Variants in SDK1 observed in about 807,000 individuals in gnomAD.
The protein encoded by SDK1 is protein sidekick-1.
SDK1 carries 157 observed loss-of-function variants against 245.5 expected under a neutral mutation model. The observed-to-expected ratio is 0.64, with a 90% CI of 0.56 to 0.73. SDK1 has a LOEUF of 0.73. Among genes scored for constraint, SDK1 ranks in the 30% least tolerant of loss-of-function variants. SDK1 has a pLI of 0.00. For synonymous variants in SDK1, 1,647 were observed against 1,278.5 expected (o/e 1.29, Z -6.15); for missense variants, 3,583 against 3,002.3 (o/e 1.19, Z -4.52).
At chr7:3,346,738 C>T (rs1430764976) in intron 1 of SDK1, among the ~76,000 whole-genome samples, 1 of 112,380 alleles carries the variant, frequency 8.9e-6, no homozygotes, top group African/African-American at 3.6e-5. Flanking sequence ...TATATATATA[C>T]ACGTATATAT....
intron 22 of SDK1, among the ~76,000 whole-genome samples, chr7:4,110,006 C>T (rs985486251): frequency 2.0e-5 from 3 of 152,106 alleles, no homozygotes; most frequent in Admixed American, 2.0e-4. Context: ...CCAGCAGACC[C>T]GGAAAAGGCA....
intron 2 of SDK1, among the ~76,000 whole-genome samples, chr7:3,626,109 ATT>A (rs933229829): frequency 4.3e-5 from 6 of 138,432 alleles, no homozygotes; most frequent in South Asian, 2.3e-4. Context: ...ACAACTAGCT[ATT>A]TTTTTTTTTT....
chr7:3,354,597 C>G (rs981595864), intron 1 of SDK1, among the ~76,000 whole-genome samples: 1 of 152,138 alleles, frequency 6.6e-6, no homozygotes, highest in African/African-American at 2.4e-5. Flanking sequence ...CAAATGTAAT[C>G]AGTCTACATT....
intron 1 of SDK1, among the ~76,000 whole-genome samples, chr7:3,449,293 G>A (rs1295750306): frequency 6.6e-6 from 1 of 152,160 alleles, no homozygotes; most frequent in Non-Finnish European, 1.5e-5. Flanking sequence ...TGCACAGAGC[G>A]ATCAGATCCA....
At chr7:3,686,928 G>A (rs996258554) in intron 4 of SDK1, among the ~76,000 whole-genome samples, 6 of 152,124 alleles carry the variant, frequency 3.9e-5, no homozygotes, top group African/African-American at 1.4e-4. Flanking sequence ...GCAGGTAGTG[G>A]CCCTGGAGTG....
chr7:4,065,875 G>C (rs1480153856), intron 19 of SDK1, among the ~76,000 whole-genome samples: 2 of 151,976 alleles, frequency 1.3e-5, no homozygotes, highest in Non-Finnish European at 2.9e-5. Flanking sequence ...GACTTTGCAG[G>C]GGTGAGACTT....
intron 1 of SDK1, among the ~76,000 whole-genome samples, chr7:3,575,406 A>G (rs1269945418): frequency 2.0e-5 from 3 of 152,024 alleles, no homozygotes; most frequent in Non-Finnish European, 4.4e-5. Flanking sequence ...AGGCCATCAC[A>G]TCAGGGGTTA....
At chr7:4,078,386 A>G (rs1418920259) in intron 21 of SDK1, among the ~76,000 whole-genome samples, 1 of 152,184 alleles carries the variant, frequency 6.6e-6, no homozygotes, top group Non-Finnish European at 1.5e-5. Flanking sequence ...GAAAGAGTCC[A>G]CTTGTCCTTC....
intron 4 of SDK1, among the ~76,000 whole-genome samples, chr7:3,765,139 C>G (rs1445078873): frequency 6.6e-6 from 1 of 151,944 alleles, no homozygotes; most frequent in Non-Finnish European, 1.5e-5. Context: ...ACTGGTTTAG[C>G]TTGTACTAGA....
At chr7:3,797,950 T>C (rs1004005708) in intron 4 of SDK1, among the ~76,000 whole-genome samples, 5 of 152,182 alleles carry the variant, frequency 3.3e-5, no homozygotes, top group South Asian at 2.1e-4. Flanking sequence ...TTGAGACTTA[T>C]AAAAGAGTTG....
chr7:3,962,475 C>T (rs781436063), intron 8 of SDK1, among the ~76,000 whole-genome samples, 182 bp from the exon 9 acceptor site: 1 of 152,212 alleles, frequency 6.6e-6, no homozygotes, highest in Non-Finnish European at 1.5e-5. Flanking sequence ...CTCTCAACAC[C>T]CCTCCGTGTC....
At chr7:3,849,687 G>A (rs111428778) in intron 5 of SDK1, among the ~76,000 whole-genome samples, 10 of 152,256 alleles carry the variant, frequency 6.6e-5, no homozygotes, top group South Asian at 2.1e-4. Flanking sequence ...AGAGGGCGGC[G>A]TATTTTGATA....
rs544119897 is a variant in SDK1 at position 3,609,128 on chromosome 7, CTT to C, written c.299-9950_299-9949del. 1.7e-3 allele frequency among the ~76,000 whole-genome samples: 258 copies of C among 152,152 alleles called. 2 individuals are homozygous for C. Among genetic ancestry groups the C allele is most frequent in the Non-Finnish European group, 2.6e-3 (174 of 67,990 alleles). ...GTCTTTTGTATTAATAATGTAATGA[CTT>C]TGATTTTTTAAGGAATTAATAACTT... On this transcript the variant is annotated intron_variant, in intron 1 of 44. Transcript: ENST00000404826.
chr7:3,529,026 G>A (rs745586095), intron 1 of SDK1, among the ~76,000 whole-genome samples: 1 of 152,132 alleles, frequency 6.6e-6, no homozygotes, highest in Non-Finnish European at 1.5e-5. Flanking sequence ...ACATGCAGGG[G>A]ATTGAACAAA....
intron 1 of SDK1, among the ~76,000 whole-genome samples, chr7:3,581,428 A>G (rs918014485): frequency 2.0e-5 from 3 of 152,242 alleles, no homozygotes; most frequent in Non-Finnish European, 4.4e-5. Flanking sequence ...AGGGAAATGC[A>G]AATCAAAACT....
intron 19 of SDK1, among the ~76,000 whole-genome samples, chr7:4,061,931 G>A (rs13224653): frequency 1.6e-4 from 23 of 141,690 alleles, no homozygotes; most frequent in African/African-American, 2.4e-4. Flanking sequence ...GAATTGAACA[G>A]TGAGAACACA....
intron 1 of SDK1, among the ~76,000 whole-genome samples, chr7:3,378,021 C>A (rs531283441): frequency 6.6e-6 from 1 of 152,104 alleles, no homozygotes; most frequent in African/African-American, 2.4e-5. Flanking sequence ...TCAAGTGATC[C>A]GCCTGCCTCG....
intron 1 of SDK1, among the ~76,000 whole-genome samples, chr7:3,404,970 T>A (rs1270830995): frequency 6.6e-6 from 1 of 152,130 alleles, no homozygotes; most frequent in Non-Finnish European, 1.5e-5. Flanking sequence ...CTGCCTGTGT[T>A]CAGAAAGATT....
rs1054553866 is a variant in SDK1 at position 4,266,194 on chromosome 7, G to A, written c.*810G>A. ...TCAACTCCGCGGGACACGAGGACAC[G>A]GGACGGCGTCTCCAGAATTGCTTGT... On this transcript the variant is annotated 3_prime_UTR_variant, in exon 45 of 45. Coordinates refer to ENST00000404826, the MANE Select transcript of SDK1 (RefSeq NM_152744.4). 12 of 985,362 alleles carry A rather than the reference G, an allele frequency of 1.2e-5. No individual in the cohort carries two copies. Among genetic ancestry groups the A allele is most frequent in the African/African-American group, 1.7e-5 (1 of 57,248 alleles). The allele number at this position is 985,362 out of a possible 1,614,324, so 61.0% of individuals were successfully genotyped here.
Sources: allele counts gnomAD v4.1 joint callset (sites outside exome capture counted in the v4.1 genomes callset), GRCh38; gene constraint gnomAD v4.1.1; transcripts MANE v1.5; gene names NCBI Gene and HGNC (gene_info 2026-07-23, HGNC 2026-07-21).